Variants in PPP2R5C observed in about 807,000 individuals in gnomAD.
The protein encoded by PPP2R5C is serine/threonine-protein phosphatase 2A 56 kDa regulatory subunit gamma isoform.
PPP2R5C carries 7 observed loss-of-function variants against 68.9 expected under a neutral mutation model. The ratio of observed to expected loss-of-function variants is 0.10; its 90% CI spans 0.06 to 0.19. The LOEUF (loss-of-function observed/expected upper bound fraction) is 0.19. Ranked by LOEUF, PPP2R5C falls within the 10% of genes least tolerant of loss-of-function variation. The pLI is 1.00. For synonymous variants in PPP2R5C, 210 were observed against 222.2 expected, an observed-to-expected ratio of 0.95 and a Z score of 0.49; for missense variants, 348 against 641.3, an observed-to-expected ratio of 0.54 and a Z score of 4.94.
At chr14:101,902,284 A>C (rs548458996) in intron 9 of PPP2R5C, among the ~76,000 whole-genome samples, 3 of 152,170 alleles carry the variant, frequency 2.0e-5, no homozygotes, top group Non-Finnish European at 4.4e-5. Context: ...GACACTGTGT[A>C]AATCTGTCTC....
chr14:101,787,502 G>A (rs1016693522), intron 3 of PPP2R5C, among the ~76,000 whole-genome samples: 26 of 152,130 alleles, frequency 1.7e-4, no homozygotes, highest in Non-Finnish European at 3.4e-4. Context: ...AGTGGCTCAT[G>A]CCTGTAATCC....
chr14:101,886,820 C>A (rs558219318), intron 5 of PPP2R5C, among the ~76,000 whole-genome samples: 1 of 152,250 alleles, frequency 6.6e-6, no homozygotes, highest in East Asian at 1.9e-4. Flanking sequence ...GCCTCAAACC[C>A]CTGGGCTTAA....
exon 9 of PPP2R5C, chr14:101,901,851 C>T (rs761993255): frequency 1.9e-6 from 3 of 1,614,158 alleles, no homozygotes; most frequent in Admixed American, 1.7e-5. Context: ...ACCCCTCTTC[C>T]GGCAGTTGGC....
chr14:101,818,882 C>T (rs2039874158), intron 1 of PPP2R5C: 6 of 834,966 alleles, frequency 7.2e-6, no homozygotes, highest in South Asian at 1.6e-5. Flanking sequence ...TATGTGACCT[C>T]GTTATAATAC....
intron 2 of PPP2R5C, among the ~76,000 whole-genome samples, chr14:101,866,360 G>T (rs1371065984): frequency 1.3e-5 from 2 of 152,230 alleles, no homozygotes; most frequent in Non-Finnish European, 2.9e-5. Context: ...CTTAGGGAGA[G>T]AAAGTAACTT....
chr14:101,791,331 T>C (rs1191983734), intron 3 of PPP2R5C, among the ~76,000 whole-genome samples: 4 of 152,224 alleles, frequency 2.6e-5, no homozygotes, highest in Non-Finnish European at 5.9e-5. Flanking sequence ...TGTTAGCCAT[T>C]TGTCTCTCTT....
chr14:101,833,574 C>T (rs2040886780), intron 1 of PPP2R5C: 1 of 152,272 alleles, frequency 6.6e-6, no homozygotes, highest in Non-Finnish European at 1.5e-5. Flanking sequence ...CCCAAAGACA[C>T]ACCCCCTTGC....
In PPP2R5C at chr14:101,888,604, T is replaced by TTTTTG. The variant is rs1192248670; in HGVS notation, c.630-1627_630-1623dup. Among the ~76,000 whole-genome samples the TTTTTG allele has an allele frequency of 6.6e-6, 1 of 151,460 alleles. No individual in the cohort carries two copies. Among genetic ancestry groups the TTTTTG allele is most frequent in the East Asian group, 1.9e-4 (1 of 5,188 alleles). On this transcript the variant is annotated intron_variant, in intron 5 of 13. Transcript: ENST00000334743. This position sits in a 1 kb window ranked among gnomAD's most constrained non-coding sequence, Gnocchi z 5.6. ...GTTGTTTTGTTTTGTTTTGTTTTGT[T>TTTTTG]TTTTGTTTTGAAACAGGGTCTCTGT... is the stretch of plus-strand genomic sequence containing the variant.
At chr14:101,876,948 T>C in intron 2 of PPP2R5C, among the ~76,000 whole-genome samples, 1 of 140,320 alleles carries the variant, frequency 7.1e-6, no homozygotes, top group East Asian at 2.0e-4. Context: ...CGCTTTTTTT[T>C]TTTTTTTTTT....
At chr14:101,828,770 T>TGGG (rs1566878881) in intron 1 of PPP2R5C, among the ~76,000 whole-genome samples, 2 of 150,698 alleles carry the variant, frequency 1.3e-5, no homozygotes, top group Non-Finnish European at 3.0e-5. Context: ...CTCCGCCTCC[T>TGGG]GGGTTCAAGC....
At chr14:101,892,859 A>G (rs991315364) in intron 6 of PPP2R5C, 141 bp from the exon 9 acceptor site, 4 of 629,296 alleles carry the variant, frequency 6.4e-6, no homozygotes, top group Non-Finnish European at 8.3e-6. Context: ...GCTGGGGCAC[A>G]GGTGCATGGC....
At position 101,890,092 on chromosome 14, in the gene PPP2R5C, T is replaced by C. The variant is rs1044500324; in HGVS notation, c.630-145T>C. ...GGCCTTGAGGAGTTTCTTTGGTTCC[T>C]GAAGGGCTGCTTGCTCACCACGAGC... On this transcript the variant is annotated intron_variant, in intron 5 of 13. Coordinates refer to ENST00000334743, the Ensembl canonical transcript of PPP2R5C. The C allele has an allele frequency of 1.6e-5, 12 of 764,966 alleles. No homozygotes were observed. In the African/African-American group the frequency reaches 2.1e-4, roughly 13 times the overall value. 47.4% of individuals were successfully genotyped at this position (764,966 alleles called of 1,614,324 possible).
chr14:101,919,392 G>A lies in PPP2R5C; in HGVS notation c.1443+1445G>A, dbSNP rs1459509306. ...ATTCTCCTCACCATGAATGTTCTTA[G>A]CAATGAATAGATGTCATCAAAAATA... On this transcript the variant is annotated intron_variant, in intron 13 of 13. Coordinates refer to ENST00000334743, the Ensembl canonical transcript of PPP2R5C. Among the ~76,000 whole-genome samples, 3 of 152,116 alleles carry A rather than the reference G, an allele frequency of 2.0e-5. No individual in the cohort carries two copies. In the South Asian group the frequency reaches 6.2e-4, roughly 31 times the overall value.
intron 1 of PPP2R5C, among the ~76,000 whole-genome samples, chr14:101,822,303 C>A (rs1301366652): frequency 6.6e-6 from 1 of 152,116 alleles, no homozygotes; most frequent in South Asian, 2.1e-4. Flanking sequence ...GATTGGCGTT[C>A]CGATCTAATC....
At chr14:101,910,186 C>T (rs1319296176) in intron 11 of PPP2R5C, among the ~76,000 whole-genome samples, 1 of 152,160 alleles carries the variant, frequency 6.6e-6, no homozygotes, top group Admixed American at 6.5e-5. Flanking sequence ...CCTTTGAGCC[C>T]ACATGTGTCC....
At chr14:101,874,076 C>T (rs2043595538) in intron 2 of PPP2R5C, among the ~76,000 whole-genome samples, 1 of 152,304 alleles carries the variant, frequency 6.6e-6, no homozygotes, top group South Asian at 2.1e-4. Context: ...CCCAGGGGAT[C>T]TAGCAATTAT....
intron 1 of PPP2R5C, chr14:101,831,635 C>A: frequency 1.6e-6 from 1 of 633,960 alleles, no homozygotes; most frequent in Non-Finnish European, 3.0e-6. Flanking sequence ...ACAGTTGACC[C>A]TTGAACGTCA....
Position 101,916,803 on chromosome 14 carries a change from C to T in PPP2R5C, c.1327-1028C>T, listed in dbSNP as rs924758158. Among the ~76,000 whole-genome samples, 23 of 152,108 alleles carry T rather than the reference C, an allele frequency of 1.5e-4. No homozygotes were observed. Among genetic ancestry groups the T allele is most frequent in the African/African-American group, 5.6e-4 (23 of 41,408 alleles). ...CCTGAAAGAGGCCGAAGCTGTGGGA[C>T]TCACTGGGCAGAGAATGGAGGGGTG... is the stretch of plus-strand genomic sequence containing the variant. On this transcript the variant is annotated intron_variant, in intron 12 of 13. Transcript: ENST00000334743. This position sits in a 1 kb window ranked among gnomAD's most constrained non-coding sequence, Gnocchi z 5.5.
chr14:101,870,493 G>A (rs1566925272), intron 2 of PPP2R5C, among the ~76,000 whole-genome samples: 1 of 152,178 alleles, frequency 6.6e-6, no homozygotes, highest in Non-Finnish European at 1.5e-5. Context: ...TCTGGACTCT[G>A]TCCTGTCGCG....
Sources: gnomAD v4.1 joint callset for allele counts (sites outside exome capture counted in the v4.1 genomes callset) on GRCh38, gnomAD v4.1.1 for gene constraint, Gnocchi (gnomAD v3.1) non-coding constraint, MANE v1.5 for transcripts, NCBI Gene and HGNC (gene_info 2026-07-23, HGNC 2026-07-21) for gene names.